SCLT1: variants seen among roughly 807,000 people sequenced by gnomAD.
SCLT1 encodes the protein sodium channel and clathrin linker 1, also known as sodium channel-associated protein 1.
SCLT1 carries 78 observed loss-of-function variants against 112.8 expected under a neutral mutation model. The observed-to-expected ratio is 0.69, with a 90% CI of 0.58 to 0.83. SCLT1 has a LOEUF of 0.83. Ranked by LOEUF, SCLT1 falls within the 40% of genes least tolerant of loss-of-function variation. SCLT1 has a pLI of 0.00. For missense variants in SCLT1, 747 were observed against 770.4 expected, an observed-to-expected ratio of 0.97 and a Z score of 0.36; for synonymous variants, 257 against 254.7, an observed-to-expected ratio of 1.01 and a Z score of -0.09.
chr4:128,885,349 T>C (rs1474054775), intron 20 of SCLT1, among the ~76,000 whole-genome samples: 1 of 152,192 alleles, frequency 6.6e-6, no homozygotes, highest in Non-Finnish European at 1.5e-5. Context: ...CAACCACTAT[T>C]TCCAGTTTTA....
At chr4:128,906,276 C>A (rs1312231742) in intron 18 of SCLT1, among the ~76,000 whole-genome samples, 1 of 152,154 alleles carries the variant, frequency 6.6e-6, no homozygotes, top group Non-Finnish European at 1.5e-5. Flanking sequence ...CGGCTCACTG[C>A]AAGCTCTGCC....
chr4:128,934,215 A>AT (rs1737002495), intron 18 of SCLT1, among the ~76,000 whole-genome samples: 1 of 151,854 alleles, frequency 6.6e-6, no homozygotes, highest in African/African-American at 2.4e-5. Context: ...CCTTTGAATT[A>AT]TTTTTTGGCT....
intron 5 of SCLT1, among the ~76,000 whole-genome samples, chr4:129,028,190 T>C (rs1746314231): frequency 6.6e-6 from 1 of 152,122 alleles, no homozygotes. Flanking sequence ...AAATTTCATA[T>C]GGAACCAAAA....
At chr4:129,076,830 C>G (rs1012858849) in intron 2 of SCLT1, among the ~76,000 whole-genome samples, 33 of 151,950 alleles carry the variant, frequency 2.2e-4, no homozygotes, top group Non-Finnish European at 4.0e-4. Context: ...ATACTTTTTA[C>G]TTATATAGAA....
chr4:129,046,312 C>A (rs1459817818), intron 2 of SCLT1, among the ~76,000 whole-genome samples: 3 of 152,072 alleles, frequency 2.0e-5, no homozygotes, highest in African/African-American at 7.2e-5. Flanking sequence ...ATATGACCAA[C>A]AACCCCCAAA....
intron 18 of SCLT1, among the ~76,000 whole-genome samples, chr4:128,917,091 ACCAT>A (rs1735537804): frequency 3.9e-5 from 6 of 152,162 alleles, no homozygotes; most frequent in Middle Eastern, 3.2e-3. Context: ...AAACTTGTTC[ACCAT>A]GGCGTCACCT....
chr4:128,898,598 AT>A, intron 18 of SCLT1, among the ~76,000 whole-genome samples: 1 of 152,336 alleles, frequency 6.6e-6, no homozygotes, highest in South Asian at 2.1e-4. Flanking sequence ...ACACCCTAAC[AT>A]CACAATTAAA....
chr4:129,041,439 AC>A (rs1205580504), intron 4 of SCLT1, among the ~76,000 whole-genome samples: 1 of 152,222 alleles, frequency 6.6e-6, no homozygotes, highest in Non-Finnish European at 1.5e-5. Flanking sequence ...CAGTGAAAGA[AC>A]CTAATTTTAT....
chr4:129,080,064 G>T (rs532268473), intron 2 of SCLT1, among the ~76,000 whole-genome samples: 9 of 152,338 alleles, frequency 5.9e-5, no homozygotes, highest in Non-Finnish European at 1.3e-4. Context: ...CAGGGCAGTG[G>T]GGCCCTGGGC....
intron 5 of SCLT1, among the ~76,000 whole-genome samples, chr4:129,006,607 T>G (rs1744051524): frequency 1.3e-5 from 2 of 152,086 alleles, no homozygotes; most frequent in African/African-American, 4.8e-5. Context: ...ATTAAGATAA[T>G]TTTGTACAGT....
chr4:129,090,523 T>C (rs1752744839), intron 1 of SCLT1, among the ~76,000 whole-genome samples: 1 of 152,170 alleles, frequency 6.6e-6, no homozygotes, highest in Non-Finnish European at 1.5e-5. Context: ...AGAAGAAATC[T>C]TTGCAGCCTT....
chr4:129,071,735 T>G (rs1751027524), intron 2 of SCLT1, among the ~76,000 whole-genome samples: 1 of 152,200 alleles, frequency 6.6e-6, no homozygotes, highest in Non-Finnish European at 1.5e-5. Flanking sequence ...AGTTGGTTGG[T>G]GAGTTGTTAT....
chr4:129,047,492 T>A (rs968815722), intron 2 of SCLT1, among the ~76,000 whole-genome samples: 2 of 152,092 alleles, frequency 1.3e-5, no homozygotes, highest in African/African-American at 4.8e-5. Flanking sequence ...TTGTCTTAGC[T>A]CTTCTTGTCC....
chr4:128,910,972 A>G (rs943045324), intron 18 of SCLT1, among the ~76,000 whole-genome samples: 3 of 152,188 alleles, frequency 2.0e-5, no homozygotes, highest in African/African-American at 7.2e-5. Flanking sequence ...CTATAAAAAT[A>G]GTAACAACAG....
chr4:128,883,032 GCTA>G (rs1732677786), downstream of SCLT1, among the ~76,000 whole-genome samples: 1 of 151,642 alleles, frequency 6.6e-6, no homozygotes, highest in South Asian at 2.1e-4. Flanking sequence ...TGTAATCCCA[GCTA>G]CTTGGGAGGC....
At chr4:128,942,025 C>T (rs1373669591) in intron 17 of SCLT1, among the ~76,000 whole-genome samples, 3 of 152,052 alleles carry the variant, frequency 2.0e-5, no homozygotes, top group Admixed American at 6.6e-5. Context: ...GTTGATAACA[C>T]ATTGTCTAAA....
Position 129,024,696 on chromosome 4 carries a change from A to G in SCLT1, c.290+14345T>C, listed in dbSNP as rs951716046. Among the ~76,000 whole-genome samples the G allele has an allele frequency of 3.1e-3, 479 of 152,362 alleles. 3 individuals are homozygous for G. Among genetic ancestry groups the G allele is most frequent in the Admixed American group, 0.019 (297 of 15,298 alleles). On this transcript the variant is annotated intron_variant, in intron 5 of 20. Coordinates refer to ENST00000281142, the MANE Select transcript of SCLT1 (RefSeq NM_144643.4). ...CACCAGCAACGGAACAAAGCTGGAC[A>G]GAGAATGACTTTGACGAGTTGAGAG...
chr4:128,967,799 G>A (rs997723656), intron 10 of SCLT1, among the ~76,000 whole-genome samples: 6 of 152,120 alleles, frequency 3.9e-5, no homozygotes, highest in East Asian at 1.9e-4. Flanking sequence ...TCTGTAGGTC[G>A]TCTGTTTACT....
chr4:129,012,944 G>A lies in SCLT1; in HGVS notation c.291-9068C>T, dbSNP rs148612785. ...GGACTCTTAAAGACAGCATACCAAC[G>A]GGTTTTGCTTCTTTATTCAGTTTGC... On this transcript the variant is annotated intron_variant, in intron 5 of 20. Transcript: ENST00000281142. Among the ~76,000 whole-genome samples the A allele has an allele frequency of 4.2e-3, 633 of 152,030 alleles. 3 individuals carry two copies. Among genetic ancestry groups the A allele is most frequent in the South Asian group, 0.019 (93 of 4,810 alleles).
Sources: gnomAD v4.1 joint callset for allele counts (sites outside exome capture counted in the v4.1 genomes callset) on GRCh38, gnomAD v4.1.1 for gene constraint, MANE v1.5 for transcripts, NCBI Gene and HGNC (gene_info 2026-07-23, HGNC 2026-07-21) for gene names.